The following ERBB4 variants were observed in gnomAD, a reference collection of about 807,000 sequenced individuals.
The protein encoded by ERBB4 is erb-b2 receptor tyrosine kinase 4.
ERBB4 carries 42 observed loss-of-function variants against 158.0 expected under a neutral mutation model. The ratio of observed to expected loss-of-function variants is 0.27; its 90% confidence interval spans 0.21 to 0.34. The LOEUF (loss-of-function observed/expected upper bound fraction) is 0.34, where lower values mean the gene tolerates loss of function less well. ERBB4 is among the 10% of genes least tolerant of loss of function. ERBB4 has a pLI of 1.00. For missense variants in ERBB4, 1,333 were observed against 1,624.1 expected (o/e 0.82, Z 3.08); for synonymous variants, 583 against 558.7 (o/e 1.04, Z -0.61).
At chr2:212,080,641 C>T (rs965355651) in intron 2 of ERBB4, among the ~76,000 whole-genome samples, 7 of 140,380 alleles carry the variant, frequency 5.0e-5, no homozygotes, top group African/African-American at 1.3e-4. Flanking sequence ...GATGATTTTG[C>T]GACAAAGTTT....
In ERBB4 at chr2:211,376,998, T is replaced by C. The variant is rs1336154417; in HGVS notation, c.*6617A>G. Reference sequence around the variant, plus strand: ...CCAGTTTATGCTACATATTTCAAAGTACCTTACTTTAAAAGAACACCTTAC... The same window carrying C: ...CCAGTTTATGCTACATATTTCAAAGCACCTTACTTTAAAAGAACACCTTAC... On this transcript the variant is annotated 3_prime_UTR_variant, in exon 28 of 28. Transcript: ENST00000342788. The C allele has an allele frequency of 1.3e-5, 3 of 233,070 alleles. No individual in the cohort carries two copies. The East Asian group carries it at 1.8e-4, about 14-fold the overall frequency. 14.4% of individuals were successfully genotyped at this position (233,070 alleles called of 1,614,324 possible).
Position 212,373,824 on chromosome 2 carries a change from CATAT to C in ERBB4, c.82+164621_82+164624del, listed in dbSNP as rs72314218. Reference sequence around the variant, plus strand: ...CCATATATATATCCATGTATATATCCATATATATATATATCCATGTATATATCCA... The same window carrying C: ...CCATATATATATCCATGTATATATCCATATATATATCCATGTATATATCCA... On this transcript the variant is annotated intron_variant, in intron 1 of 27. Coordinates refer to ENST00000342788, the MANE Select transcript of ERBB4 (RefSeq NM_005235.3). Among the ~76,000 whole-genome samples, 289 of 75,046 alleles carry C rather than the reference CATAT, an allele frequency of 3.9e-3. 30 individuals carry two copies. The highest frequency in any genetic ancestry group is 0.013 in the African/African-American group (250 of 19,978). The allele number at this position is 75,046 out of a possible 152,430, so 49.2% of individuals were successfully genotyped here.
chr2:211,469,805 T>C (rs1213209590), intron 20 of ERBB4, among the ~76,000 whole-genome samples: 1 of 152,150 alleles, frequency 6.6e-6, no homozygotes, highest in Admixed American at 6.6e-5. Context: ...TAATTGCATA[T>C]CTATTCCTTT....
At chr2:212,425,248 A>G (rs576956371) in intron 1 of ERBB4, among the ~76,000 whole-genome samples, 65 of 149,814 alleles carry the variant, frequency 4.3e-4, no homozygotes, top group Middle Eastern at 3.8e-3. Flanking sequence ...AAAATTATTT[A>G]GAACTTTAAC....
At chr2:212,480,461 T>C (rs1166495374) in intron 1 of ERBB4, among the ~76,000 whole-genome samples, 1 of 152,204 alleles carries the variant, frequency 6.6e-6, no homozygotes, top group Non-Finnish European at 1.5e-5. Context: ...GAAACAAATA[T>C]AAAACTTCTA....
chr2:211,537,969 C>G (rs551232096), intron 20 of ERBB4, among the ~76,000 whole-genome samples: 1 of 151,894 alleles, frequency 6.6e-6, no homozygotes, highest in African/African-American at 2.4e-5. Context: ...CCATCATGTT[C>G]AAAATATTGT....
chr2:211,610,923 T>G (rs564029281), intron 19 of ERBB4, among the ~76,000 whole-genome samples: 78 of 152,238 alleles, frequency 5.1e-4, no homozygotes, highest in African/African-American at 1.8e-3. Flanking sequence ...CAACCTGTAT[T>G]GGATCTGGAT....
chr2:211,978,985 C>T (rs1334330430), intron 2 of ERBB4, among the ~76,000 whole-genome samples: 2 of 152,010 alleles, frequency 1.3e-5, no homozygotes, highest in African/African-American at 4.8e-5. Context: ...AAAAGTGAAA[C>T]AAAACATTAA....
chr2:211,904,177 CA>C (rs2079313405), intron 3 of ERBB4, among the ~76,000 whole-genome samples: 2 of 152,014 alleles, frequency 1.3e-5, no homozygotes, highest in South Asian at 4.1e-4. Context: ...GCATGTTTAG[CA>C]GCTGTGAAAG....
chr2:211,641,634 C>CA (rs1398586580), intron 16 of ERBB4, among the ~76,000 whole-genome samples: 1 of 152,110 alleles, frequency 6.6e-6, no homozygotes, highest in East Asian at 1.9e-4. Context: ...ATAGATACTC[C>CA]AAAAGAGTCC....
chr2:212,143,877 T>C (rs2080570601), intron 1 of ERBB4, among the ~76,000 whole-genome samples: 1 of 151,676 alleles, frequency 6.6e-6, no homozygotes, highest in African/African-American at 2.4e-5. Context: ...AAATTAACCA[T>C]GTGTGGTGAC....
intron 1 of ERBB4, among the ~76,000 whole-genome samples, chr2:212,188,035 T>G (rs748636669): frequency 3.9e-5 from 6 of 152,090 alleles, no homozygotes; most frequent in African/African-American, 1.2e-4. Flanking sequence ...ACGTTCAAAT[T>G]TGAATTTAGC....
At chr2:211,456,159 C>A (rs1408831431) in intron 20 of ERBB4, among the ~76,000 whole-genome samples, 1 of 152,054 alleles carries the variant, frequency 6.6e-6, no homozygotes, top group African/African-American at 2.4e-5. Flanking sequence ...ACTGTTTTTT[C>A]ATTTGTTAAC....
intron 3 of ERBB4, among the ~76,000 whole-genome samples, chr2:211,924,576 T>A (rs1575385003): frequency 6.6e-6 from 1 of 152,266 alleles, no homozygotes; most frequent in East Asian, 1.9e-4. Context: ...CACATAAATA[T>A]AGTAATTGGC....
intron 3 of ERBB4, among the ~76,000 whole-genome samples, chr2:211,922,608 C>G (rs1056238447): frequency 2.6e-5 from 4 of 152,000 alleles, no homozygotes; most frequent in Admixed American, 6.6e-5. Context: ...AATAATATAA[C>G]TGAGTAAATT....
chr2:211,979,622 A>G (rs981521422), intron 2 of ERBB4, among the ~76,000 whole-genome samples: 16 of 152,152 alleles, frequency 1.1e-4, no homozygotes, highest in African/African-American at 3.9e-4. Context: ...GATAGCCAAG[A>G]GAGTAGAAGT....
chr2:212,336,016 G>C (rs2088423710), intron 1 of ERBB4, among the ~76,000 whole-genome samples: 1 of 151,932 alleles, frequency 6.6e-6, no homozygotes. Context: ...TTCAATGAAA[G>C]GGGAATAAAG....
chr2:211,938,283 G>A (rs544277361), intron 3 of ERBB4, among the ~76,000 whole-genome samples: 1 of 152,168 alleles, frequency 6.6e-6, no homozygotes, highest in East Asian at 1.9e-4. Flanking sequence ...TTGAAGATAA[G>A]GAAACTGAGG....
intron 1 of ERBB4, among the ~76,000 whole-genome samples, chr2:212,317,499 A>C (rs908687894): frequency 6.6e-6 from 1 of 151,576 alleles, no homozygotes; most frequent in African/African-American, 2.4e-5. Flanking sequence ...CAGCATTCTA[A>C]CTACCACCTC....
Sources: gnomAD v4.1 joint callset for allele counts (sites outside exome capture counted in the v4.1 genomes callset) on GRCh38, gnomAD v4.1.1 for gene constraint, MANE v1.5 for transcripts, NCBI Gene and HGNC (gene_info 2026-07-23, HGNC 2026-07-21) for gene names.